Variants in ST6GAL1 observed in about 807,000 individuals in gnomAD.
ST6GAL1 encodes the protein beta-galactoside alpha-2,6-sialyltransferase 1.
ST6GAL1 carries 20 observed loss-of-function variants against 38.0 expected under a neutral mutation model. That is an observed-to-expected ratio of 0.53 (90% CI 0.37 to 0.77). The LOEUF is 0.77. Among genes scored for constraint, ST6GAL1 ranks in the 30% least tolerant of loss-of-function variants. The pLI, the probability that ST6GAL1 is intolerant of heterozygous loss-of-function variation, is 0.00. For synonymous variants in ST6GAL1, 196 were observed against 188.2 expected (o/e 1.04, Z -0.34); for missense variants, 432 against 496.4 (o/e 0.87, Z 1.23).
At chr3:187,048,973 C>A (rs1718411178) in intron 4 of ST6GAL1, among the ~76,000 whole-genome samples, 1 of 148,052 alleles carries the variant, frequency 6.8e-6, no homozygotes, top group South Asian at 2.1e-4. Flanking sequence ...TCACGCTAAC[C>A]CCCGCCTCCT....
intron 2 of ST6GAL1, among the ~76,000 whole-genome samples, chr3:186,971,495 C>T (rs991377915): frequency 3.9e-5 from 6 of 152,204 alleles, no homozygotes; most frequent in African/African-American, 1.2e-4. Flanking sequence ...TCTGCTCCCC[C>T]AGTCTGGCTG....
intron 2 of ST6GAL1, among the ~76,000 whole-genome samples, chr3:187,033,883 A>C (rs1717837932): frequency 6.6e-6 from 1 of 152,208 alleles, no homozygotes; most frequent in Non-Finnish European, 1.5e-5. Flanking sequence ...CAAAGCTGGC[A>C]GAAAAAGAAA....
At chr3:186,987,407 A>G (rs1007640509) in intron 2 of ST6GAL1, among the ~76,000 whole-genome samples, 9 of 152,190 alleles carry the variant, frequency 5.9e-5, no homozygotes, top group African/African-American at 2.2e-4. Context: ...ACAGCTAACA[A>G]TGGGGAGAGA....
intron 5 of ST6GAL1, among the ~76,000 whole-genome samples, chr3:187,053,263 A>G (rs913887651): frequency 1.3e-5 from 2 of 152,104 alleles, no homozygotes; most frequent in Non-Finnish European, 2.9e-5. Context: ...GTTCACTCTG[A>G]TGGTCGTTTC....
intron 5 of ST6GAL1, among the ~76,000 whole-genome samples, chr3:187,057,180 G>C (rs537092352): frequency 2.0e-5 from 3 of 152,214 alleles, no homozygotes; most frequent in South Asian, 2.1e-4. Context: ...TCTCTATACT[G>C]TTTATTCTAG....
intron 1 of ST6GAL1, among the ~76,000 whole-genome samples, chr3:186,946,494 G>A (rs951465839): frequency 5.9e-5 from 9 of 152,064 alleles, no homozygotes; most frequent in African/African-American, 1.9e-4. Flanking sequence ...TGATCCTCCC[G>A]CCGGCCTCCG....
intron 2 of ST6GAL1, among the ~76,000 whole-genome samples, chr3:187,032,267 A>C (rs1423802607): frequency 6.6e-6 from 1 of 152,108 alleles, no homozygotes; most frequent in Non-Finnish European, 1.5e-5. Context: ...GCTGGGATTG[A>C]TGTACTTTTC....
intron 2 of ST6GAL1, among the ~76,000 whole-genome samples, chr3:186,978,998 C>G (rs564923782): frequency 6.6e-6 from 1 of 151,982 alleles, no homozygotes; most frequent in Non-Finnish European, 1.5e-5. Flanking sequence ...TTGGCACCAC[C>G]TCCTCGGCCC....
intron 2 of ST6GAL1, among the ~76,000 whole-genome samples, chr3:186,979,173 A>G (rs1384360145): frequency 2.6e-5 from 4 of 152,120 alleles, no homozygotes; most frequent in Non-Finnish European, 4.4e-5. Context: ...AACTGTATAT[A>G]AAGTGTGAGT....
chr3:186,975,225 G>A (rs1438357809), intron 2 of ST6GAL1: 1 of 152,762 alleles, frequency 6.5e-6, no homozygotes, highest in Non-Finnish European at 1.5e-5. Context: ...GAGTGAGTGG[G>A]AGTATGGCCT....
chr3:186,986,191 C>T (rs1715912456), intron 2 of ST6GAL1: 1 of 151,896 alleles, frequency 6.6e-6, no homozygotes, highest in African/African-American at 2.4e-5. Context: ...TTTTTTTTAG[C>T]TCCACAAAAT....
intron 2 of ST6GAL1, among the ~76,000 whole-genome samples, chr3:187,015,107 C>A (rs1386792082): frequency 4.6e-5 from 7 of 152,202 alleles, no homozygotes; most frequent in Non-Finnish European, 7.3e-5. Context: ...AATTCACAAG[C>A]CAACAGGTAT....
rs118050274 is a variant in ST6GAL1 at position 187,063,082 on chromosome 3, C to T, written c.706-9767C>T. On this transcript the variant is annotated intron_variant, in intron 5 of 7. Transcript: ENST00000169298. ...GTACTAAGCTGAATACTTAAAGTTGCTAAAATGGTCAATTTTATGTTATGT... is the reference window on the plus strand; with the variant it reads ...GTACTAAGCTGAATACTTAAAGTTGTTAAAATGGTCAATTTTATGTTATGT... Among the ~76,000 whole-genome samples, 763 of 152,252 alleles carry T rather than the reference C, an allele frequency of 5.0e-3. 8 individuals carry two copies. In the East Asian group the frequency reaches 0.061, roughly 12 times the overall value.
chr3:187,033,272 C>T (rs74869769), intron 2 of ST6GAL1, among the ~76,000 whole-genome samples: 9,102 of 152,082 alleles, frequency 0.06, 290 homozygotes, highest in Middle Eastern at 0.11. Context: ...ATTAGCTGGG[C>T]GTGGTGGCCG....
chr3:186,962,271 G>A (rs552370955), intron 1 of ST6GAL1, among the ~76,000 whole-genome samples: 19 of 152,056 alleles, frequency 1.2e-4, no homozygotes, highest in Admixed American at 3.9e-4. Context: ...CCTGGACACC[G>A]TCCTTGTGTA....
chr3:187,008,803 CCTTT>C (rs1184151985), intron 2 of ST6GAL1, among the ~76,000 whole-genome samples: 1 of 152,084 alleles, frequency 6.6e-6, no homozygotes, highest in African/African-American at 2.4e-5. Context: ...AGATTTATTT[CCTTT>C]AAGTCTTTTT....
intron 1 of ST6GAL1, among the ~76,000 whole-genome samples, chr3:186,941,561 G>A (rs1447420056): frequency 1.3e-5 from 2 of 152,158 alleles, no homozygotes; most frequent in Non-Finnish European, 2.9e-5. Context: ...ACACTGAGTG[G>A]CTGCTGCAGA....
At chr3:186,951,940 A>T (rs1714593919) in intron 1 of ST6GAL1, among the ~76,000 whole-genome samples, 1 of 152,204 alleles carries the variant, frequency 6.6e-6, no homozygotes, top group African/African-American at 2.4e-5. Flanking sequence ...TCATGTGCTA[A>T]CAGGGCTCAC....
At chr3:186,936,656 AG>A (rs1340190821) in intron 1 of ST6GAL1, among the ~76,000 whole-genome samples, 2 of 152,192 alleles carry the variant, frequency 1.3e-5, no homozygotes, top group African/African-American at 4.8e-5. Flanking sequence ...AAATAAAGCT[AG>A]GGGCTGGGCA....
Sources: gnomAD v4.1 joint callset for allele counts (sites outside exome capture counted in the v4.1 genomes callset) on GRCh38, gnomAD v4.1.1 for gene constraint, MANE v1.5 for transcripts, NCBI Gene and HGNC (gene_info 2026-07-23, HGNC 2026-07-21) for gene names.